Variants in TENM2 observed in about 807,000 individuals in gnomAD.
TENM2 encodes the protein teneurin-2.
In TENM2, 52 loss-of-function variants were observed where a neutral mutation model predicts 245.2. That is an observed-to-expected ratio of 0.21 (90% CI 0.17 to 0.27). The LOEUF is 0.27. TENM2 is among the 10% of genes least tolerant of loss of function. The pLI is 1.00. For synonymous variants in TENM2, 1,363 were observed against 1,438.9 expected (o/e 0.95, Z 1.19); for missense variants, 3,046 against 3,666.8 (o/e 0.83, Z 4.37).
chr5:168,248,111 A>G, exon 27 of TENM2: 1 of 1,614,014 alleles, frequency 6.2e-7, no homozygotes, highest in Non-Finnish European at 8.5e-7. Flanking sequence ...CAGCTGCAGT[A>G]CACGGCCTAT....
At chr5:168,149,454 G>A (rs1052163823) in intron 12 of TENM2, 1 of 456,944 alleles carries the variant, frequency 2.2e-6, no homozygotes, top group Admixed American at 2.3e-5. Context: ...TTTATAGACT[G>A]TATGTCTAAT....
chr5:167,681,873 C>T (rs1312255066), intron 2 of TENM2, among the ~76,000 whole-genome samples: 3 of 151,954 alleles, frequency 2.0e-5, no homozygotes, highest in Admixed American at 6.6e-5. Context: ...TCCAAATCAC[C>T]TATTTTCTCT....
the TENM2 span, among the ~76,000 whole-genome samples, chr5:167,120,171 G>A: frequency 6.6e-6 from 1 of 152,192 alleles, no homozygotes; most frequent in Non-Finnish European, 1.5e-5. Context: ...AGGTTAAATA[G>A]TGTAGGTGAT....
chr5:168,157,358 G>T (rs950379147), intron 12 of TENM2, among the ~76,000 whole-genome samples: 1 of 152,162 alleles, frequency 6.6e-6, no homozygotes, highest in Admixed American at 6.5e-5. Flanking sequence ...CTTTACCCAT[G>T]GGTCAATGGA....
At chr5:167,290,223 T>C (rs570329933) in intron 1 of TENM2, among the ~76,000 whole-genome samples, 7 of 152,208 alleles carry the variant, frequency 4.6e-5, no homozygotes, top group Middle Eastern at 3.2e-3. Context: ...GAGTAATGAA[T>C]GAAGACTCTG....
rs566600937 is a variant in TENM2 at position 167,668,902 on chromosome 5, C to T, written c.503-207084C>T. ...CCAGGAGGCAGAGGTTGCAGTGAGC[C>T]GAGATCCCCCACTGAACTTCAGCCT... On this transcript the variant is annotated intron_variant, in intron 2 of 28. Transcript: ENST00000518659. 3.3e-5 allele frequency among the ~76,000 whole-genome samples: 5 copies of T among 152,174 alleles called. No homozygotes were observed. In the East Asian group the frequency reaches 7.7e-4, roughly 23 times the overall value.
At chr5:167,204,448 T>G in the TENM2 span, among the ~76,000 whole-genome samples, 1 of 152,118 alleles carries the variant, frequency 6.6e-6, no homozygotes, top group Non-Finnish European at 1.5e-5. Context: ...CAGATAAAAA[T>G]GCATATACAG....
chr5:167,141,587 T>A, the TENM2 span, among the ~76,000 whole-genome samples: 18 of 152,178 alleles, frequency 1.2e-4, no homozygotes, highest in African/African-American at 4.1e-4. Flanking sequence ...CACATTTCAT[T>A]TGTATTCATT....
intron 5 of TENM2, among the ~76,000 whole-genome samples, chr5:168,012,809 G>C (rs73803826): frequency 2.5e-3 from 361 of 146,960 alleles, no homozygotes; most frequent in African/African-American, 8.6e-3. Context: ...CCTAACAGTG[G>C]TTTATATTGA....
chr5:167,008,209 C>G, the TENM2 span, among the ~76,000 whole-genome samples: 2 of 152,104 alleles, frequency 1.3e-5, no homozygotes, highest in Non-Finnish European at 2.9e-5. Context: ...ATTTTTTTGG[C>G]TCTTACAGCT....
chr5:167,837,681 C>G (rs1423647000), intron 2 of TENM2, among the ~76,000 whole-genome samples: 3 of 152,182 alleles, frequency 2.0e-5, no homozygotes, highest in African/African-American at 7.2e-5. Context: ...TTTAAATTCT[C>G]TGTGCTTTTT....
chr5:167,437,191 G>A (rs1764612989), intron 2 of TENM2, among the ~76,000 whole-genome samples: 2 of 152,172 alleles, frequency 1.3e-5, no homozygotes, highest in Non-Finnish European at 2.9e-5. Context: ...AGCCACAGGG[G>A]TGGAGCTGCC....
the TENM2 span, among the ~76,000 whole-genome samples, chr5:167,130,952 T>C: frequency 1.3e-5 from 2 of 149,640 alleles, no homozygotes; most frequent in Admixed American, 1.3e-4. Flanking sequence ...TGGAATAGGT[T>C]AGCCTGTGTG....
At chr5:167,559,116 G>C (rs1466707508) in intron 2 of TENM2, among the ~76,000 whole-genome samples, 1 of 152,144 alleles carries the variant, frequency 6.6e-6, no homozygotes, top group Non-Finnish European at 1.5e-5. Context: ...GAATGGTTGT[G>C]ACACCCATAA....
intron 10 of TENM2, 87 bp from the exon 13 acceptor site, chr5:168,124,763 A>C (rs1795719469): frequency 1.5e-6 from 2 of 1,317,138 alleles, no homozygotes. Flanking sequence ...CCACTGGTCC[A>C]TTCAGCAGCA....
intron 2 of TENM2, among the ~76,000 whole-genome samples, chr5:167,836,766 TATGTGTGTATATACCCAA>T (rs1477551628): frequency 1.3e-5 from 2 of 150,230 alleles, no homozygotes; most frequent in Admixed American, 1.4e-4. Flanking sequence ...TATCTCAATA[TATGTGTGTATATACCCAA>T]CTCAGAAAAA....
intron 2 of TENM2, among the ~76,000 whole-genome samples, chr5:167,561,856 A>T (rs1418239182): frequency 6.6e-6 from 1 of 152,166 alleles, no homozygotes; most frequent in East Asian, 1.9e-4. Flanking sequence ...TTTAAGTGAG[A>T]TCAAATGCTA....
intron 2 of TENM2, among the ~76,000 whole-genome samples, chr5:167,415,670 C>CAA (rs542877237): frequency 1.4e-5 from 2 of 145,092 alleles, no homozygotes. Flanking sequence ...ATTGTTGAAG[C>CAA]AAAAAAAAAA....
intron 23 of TENM2, among the ~76,000 whole-genome samples, chr5:168,219,824 C>CCAAAAA (rs1191517383): frequency 2.0e-5 from 1 of 49,824 alleles, no homozygotes; most frequent in African/African-American, 9.0e-5. Flanking sequence ...GTTGGCACAG[C>CCAAAAA]AAAAAAAAAA....
Sources: allele counts gnomAD v4.1 joint callset (sites outside exome capture counted in the v4.1 genomes callset), GRCh38; gene constraint gnomAD v4.1.1; transcripts MANE v1.5; gene names NCBI Gene and HGNC (gene_info 2026-07-23, HGNC 2026-07-21).